N4BP2: variants seen among roughly 807,000 people sequenced by gnomAD.
N4BP2 encodes the protein NEDD4-binding protein 2.
Under a neutral mutation model 152.8 loss-of-function variants are expected in N4BP2, and 91 were observed. The observed-to-expected ratio is 0.60, with a 90% CI of 0.50 to 0.71. The LOEUF (loss-of-function observed/expected upper bound fraction) is 0.71. Among genes scored for constraint, N4BP2 ranks in the 30% least tolerant of loss-of-function variants. The pLI is 0.00. For synonymous variants in N4BP2, 646 were observed against 705.3 expected, an observed-to-expected ratio of 0.92 and a Z score of 1.33; for missense variants, 1,923 against 2,059.1, an observed-to-expected ratio of 0.93 and a Z score of 1.28.
intron 2 of N4BP2, among the ~76,000 whole-genome samples, chr4:40,089,902 C>A (rs1269202361): frequency 6.6e-6 from 1 of 151,988 alleles, no homozygotes; most frequent in Non-Finnish European, 1.5e-5. Flanking sequence ...TGGTCCATTG[C>A]GAGTTAATAT....
intron 2 of N4BP2, among the ~76,000 whole-genome samples, chr4:40,078,561 A>G (rs577398373): frequency 6.9e-6 from 1 of 144,392 alleles, no homozygotes; most frequent in East Asian, 2.1e-4. Flanking sequence ...GTCTCGCTTT[A>G]TCGCCCAGGC....
rs369883648 is a variant in N4BP2, at chr4:40,150,630, C to T, written c.5144-2150C>T. Among the ~76,000 whole-genome samples the T allele has an allele frequency of 8.6e-5, 13 of 150,790 alleles. No homozygotes were observed. In the East Asian group the frequency reaches 2.5e-3, roughly 29 times the overall value. On this transcript the variant is annotated intron_variant, in intron 16 of 17. Coordinates refer to ENST00000261435, the MANE Select transcript of N4BP2 (RefSeq NM_018177.6). ...AGGCTGCAGTGAACCGAGATCATCC[C>T]ACTGCACTTCAACCTGGGCAACAGA...
chr4:40,134,123 G>T (rs1719143883), intron 13 of N4BP2, among the ~76,000 whole-genome samples: 1 of 152,132 alleles, frequency 6.6e-6, no homozygotes, highest in Non-Finnish European at 1.5e-5. Context: ...CTGTACTTAA[G>T]AATATTTATT....
At chr4:40,101,150 ATTAT>A (rs370963126) in intron 3 of N4BP2, among the ~76,000 whole-genome samples, 100 of 151,892 alleles carry the variant, frequency 6.6e-4, no homozygotes, top group Non-Finnish European at 1.1e-3. Flanking sequence ...AAAAGTGTGC[ATTAT>A]TTATTTATTT....
At chr4:40,108,031 C>T (rs1462240599) in intron 5 of N4BP2, among the ~76,000 whole-genome samples, 5 of 151,332 alleles carry the variant, frequency 3.3e-5, no homozygotes, top group African/African-American at 1.2e-4. Context: ...TCAAGGGATT[C>T]TCATCCTCAG....
intron 1 of N4BP2, among the ~76,000 whole-genome samples, chr4:40,058,056 TG>T (rs764091667): frequency 6.6e-6 from 1 of 152,212 alleles, no homozygotes; most frequent in Non-Finnish European, 1.5e-5. Flanking sequence ...TCAGTAAAGG[TG>T]GCCATTGGTT....
At chr4:40,100,442 T>TCACTAGAGGC (rs1715535083) in intron 3 of N4BP2, among the ~76,000 whole-genome samples, 1 of 151,762 alleles carries the variant, frequency 6.6e-6, no homozygotes, top group African/African-American at 2.4e-5. Context: ...AGTAATCACT[T>TCACTAGAGGC]TCACTAGAGG....
Position 40,069,387 on chromosome 4 carries a change from A to G in N4BP2, c.-211-4068A>G, listed in dbSNP as rs565717595. On this transcript the variant is annotated intron_variant, in intron 1 of 17. Transcript: ENST00000261435. ...TGGGAGGTGGAGCCAAGATTGCACCACTGCACGAAAGAGTGAGACTGTTTT... is the reference window on the plus strand; with the variant it reads ...TGGGAGGTGGAGCCAAGATTGCACCGCTGCACGAAAGAGTGAGACTGTTTT... Among the ~76,000 whole-genome samples the G allele has an allele frequency of 2.0e-5, 3 of 152,228 alleles. No homozygotes were observed. In the East Asian group the frequency reaches 5.8e-4, roughly 29 times the overall value.
Position 40,097,405 on chromosome 4 carries a change from T to C in N4BP2, c.65T>C (p.Val22Ala). The C allele has an allele frequency of 1.9e-6, 3 of 1,614,122 alleles. No individual in the cohort carries two copies. Among genetic ancestry groups the C allele is most frequent in the Non-Finnish European group, 2.5e-6 (3 of 1,179,998 alleles). ...CGGAAGACTGCAAACCCTAAGGAAG[T>C]TGTCGTATCCAGTGTTGCTAGTCGT... is the stretch of plus-strand genomic sequence containing the variant. Reference protein sequence around the residue: ...PFRKTANPKEVVVSSVASREE... With the variant: ...PFRKTANPKEAVVSSVASREE... Residue 22 changes from valine (V) to alanine (A), a missense_variant, in exon 3 of 18, where the codon GTT becomes GCT. Coordinates refer to ENST00000261435, the MANE Select transcript of N4BP2 (RefSeq NM_018177.6).
chr4:40,129,107 T>C (rs1455274832), intron 12 of N4BP2, among the ~76,000 whole-genome samples: 2 of 152,210 alleles, frequency 1.3e-5, no homozygotes, highest in African/African-American at 4.8e-5. Context: ...TGGAGTGCGG[T>C]GGCACCATCT....
chr4:40,142,381 G>T (rs1030592403), intron 14 of N4BP2: 1 of 311,076 alleles, frequency 3.2e-6, no homozygotes, highest in Non-Finnish European at 6.2e-6. Context: ...GACTGAACTC[G>T]CCTCTTCCAA....
chr4:40,102,453 T>TA lies in N4BP2; in HGVS notation c.609dup (p.Glu204ArgfsTer28). ...AATATGAATTTGAACGGTGAAAATT[T>TA]AGAGAATTCTGGTTCTACTTTAAGT... On this transcript the variant is annotated frameshift_variant, in exon 4 of 18. Transcript: ENST00000261435. LOFTEE classifies it high-confidence loss of function. 1 of 1,613,212 alleles carries TA rather than the reference T, an allele frequency of 6.2e-7. No homozygotes were observed. Among genetic ancestry groups the TA allele is most frequent in the East Asian group, 2.2e-5 (1 of 44,876 alleles).
At chr4:40,063,965 G>C (rs1733845712) in intron 1 of N4BP2, among the ~76,000 whole-genome samples, 1 of 151,490 alleles carries the variant, frequency 6.6e-6, no homozygotes, top group Non-Finnish European at 1.5e-5. Context: ...TTTATTTAGA[G>C]AGATTGGTGG....
chr4:40,099,970 T>C, intron 3 of N4BP2: 1 of 415,542 alleles, frequency 2.4e-6, no homozygotes, highest in Non-Finnish European at 4.9e-6. Flanking sequence ...GTAGTATTGC[T>C]ATGATCTCCT....
the N4BP2 span, among the ~76,000 whole-genome samples, chr4:40,184,904 C>T: frequency 9.2e-5 from 14 of 151,630 alleles, no homozygotes; most frequent in East Asian, 3.9e-4. Flanking sequence ...TGCAGTGAGC[C>T]GACATTGCGC....
chr4:40,131,057 T>C (rs1718865080), intron 12 of N4BP2, among the ~76,000 whole-genome samples: 1 of 152,192 alleles, frequency 6.6e-6, no homozygotes. Context: ...AAATTGTGAA[T>C]TCCAAGATTT....
intron 14 of N4BP2, among the ~76,000 whole-genome samples, chr4:40,139,436 C>G (rs978744791): frequency 4.7e-5 from 7 of 149,716 alleles, no homozygotes; most frequent in Non-Finnish European, 1.0e-4. Flanking sequence ...TTGTTTATTA[C>G]AAATACATAG....
intron 2 of N4BP2, among the ~76,000 whole-genome samples, chr4:40,076,340 G>A (rs1035963110): frequency 6.6e-6 from 1 of 152,002 alleles, no homozygotes; most frequent in African/African-American, 2.4e-5. Flanking sequence ...GCCAGGCGTG[G>A]TGGTGCACAC....
chr4:40,116,269 TG>T (rs1297854569), intron 7 of N4BP2, among the ~76,000 whole-genome samples: 2 of 152,134 alleles, frequency 1.3e-5, no homozygotes, highest in Non-Finnish European at 2.9e-5. Context: ...AGTTCTTTTA[TG>T]GTTATTTTGG....
Sources: allele counts gnomAD v4.1 joint callset (sites outside exome capture counted in the v4.1 genomes callset), GRCh38; gene constraint gnomAD v4.1.1; transcripts MANE v1.5; gene names NCBI Gene and HGNC (gene_info 2026-07-23, HGNC 2026-07-21).